The following SGMS1 variants were observed in gnomAD, a reference collection of about 807,000 sequenced individuals.
The protein encoded by SGMS1 is phosphatidylcholine:ceramide cholinephosphotransferase 1.
SGMS1 carries 13 observed loss-of-function variants against 46.2 expected under a neutral mutation model. That is an observed-to-expected ratio of 0.28 (90% CI 0.18 to 0.45). SGMS1 has a LOEUF of 0.45. Among genes scored for constraint, SGMS1 ranks in the 20% least tolerant of loss-of-function variants. The pLI, the probability that SGMS1 is intolerant of heterozygous loss-of-function variation, is 1.00. For missense variants in SGMS1, 324 were observed against 519.9 expected (o/e 0.62, Z 3.66); for synonymous variants, 203 against 187.8 (o/e 1.08, Z -0.66).
At chr10:50,392,077 G>T (rs764850087) in intron 6 of SGMS1, among the ~76,000 whole-genome samples, 1 of 151,746 alleles carries the variant, frequency 6.6e-6, no homozygotes. Context: ...ACTACCTGTC[G>T]AGTACTATAC....
intron 6 of SGMS1, among the ~76,000 whole-genome samples, chr10:50,359,672 T>C (rs1366690982): frequency 1.5e-5 from 2 of 135,868 alleles, no homozygotes; most frequent in Admixed American, 8.3e-5. Flanking sequence ...TAAACAATCA[T>C]TCATTATGGC....
intron 1 of SGMS1, among the ~76,000 whole-genome samples, chr10:50,621,923 G>T (rs1423309871): frequency 6.6e-6 from 1 of 152,156 alleles, no homozygotes; most frequent in African/African-American, 2.4e-5. Flanking sequence ...TCAAAAACAT[G>T]CTATATATTG....
chr10:50,314,580 G>T (rs1364835914), intron 8 of SGMS1, among the ~76,000 whole-genome samples: 4 of 152,114 alleles, frequency 2.6e-5, no homozygotes, highest in African/African-American at 9.7e-5. Context: ...CTACCTCAAA[G>T]AAATAATACC....
Position 50,344,295 on chromosome 10 carries a change from C to T in SGMS1, c.-181G>A, listed in dbSNP as rs541941917. ...ACACCTCATGTAGCTGTCCAGGGTT[C>T]CTGAGCGCCCAAGTATTAATTCACC... On this transcript the variant is annotated 5_prime_UTR_variant, in exon 7 of 11. Transcript: ENST00000361781. 25 of 628,820 alleles carry T rather than the reference C, an allele frequency of 4.0e-5. No homozygotes were observed. The African/African-American group carries it at 4.2e-4, about 10-fold the overall frequency. The allele number at this position is 628,820 out of a possible 1,614,324, so 39.0% of individuals were successfully genotyped here.
intron 3 of SGMS1, among the ~76,000 whole-genome samples, chr10:50,486,610 T>G (rs980540823): frequency 1.3e-5 from 2 of 152,106 alleles, no homozygotes; most frequent in African/African-American, 4.8e-5. Context: ...AACCACTAGA[T>G]GCCATCTCAC....
chr10:50,566,396 G>A (rs920307031), intron 2 of SGMS1, among the ~76,000 whole-genome samples: 10 of 152,074 alleles, frequency 6.6e-5, no homozygotes, highest in African/African-American at 9.7e-5. Context: ...ACACAGCAGA[G>A]GACACTAAAA....
intron 8 of SGMS1, among the ~76,000 whole-genome samples, chr10:50,326,866 T>C (rs1001771733): frequency 1.3e-5 from 2 of 152,152 alleles, no homozygotes; most frequent in Admixed American, 6.5e-5. Flanking sequence ...AAAATGTCAC[T>C]TGAAATCGAG....
intron 3 of SGMS1, among the ~76,000 whole-genome samples, chr10:50,495,315 A>C (rs1440495105): frequency 6.6e-6 from 1 of 151,658 alleles, no homozygotes; most frequent in Non-Finnish European, 1.5e-5. Context: ...AGGCTTAATT[A>C]ATGATTAAAC....
intron 2 of SGMS1, among the ~76,000 whole-genome samples, chr10:50,532,727 G>A (rs564264890): frequency 3.3e-5 from 5 of 152,302 alleles, no homozygotes; most frequent in African/African-American, 9.6e-5. Context: ...ACAATCCTCC[G>A]CAAAATTCAT....
At chr10:50,440,313 T>G (rs551626186) in intron 5 of SGMS1, among the ~76,000 whole-genome samples, 72 of 151,502 alleles carry the variant, frequency 4.8e-4, no homozygotes, top group Non-Finnish European at 9.3e-4. Flanking sequence ...AAGTGGCCTT[T>G]CACTCAACAT....
At chr10:50,503,840 A>G (rs1236586161) in intron 3 of SGMS1, among the ~76,000 whole-genome samples, 1 of 152,190 alleles carries the variant, frequency 6.6e-6, no homozygotes, top group African/African-American at 2.4e-5. Context: ...AGGGCCTGAG[A>G]GACTGGGCAA....
chr10:50,437,504 A>G lies in SGMS1; in HGVS notation c.-312-3948T>C, dbSNP rs367899427. On this transcript the variant is annotated intron_variant, in intron 5 of 10. Coordinates refer to ENST00000361781, the MANE Select transcript of SGMS1 (RefSeq NM_147156.4). The stretch of plus-strand genomic sequence containing the variant: ...CTAGCTTTAGTCTTTGTTCTTAACC[A>G]CTATACTACACTGTGTCCCTGGCAA... Among the ~76,000 whole-genome samples, 5 of 152,212 alleles carry G rather than the reference A, an allele frequency of 3.3e-5. No individual in the cohort carries two copies. In the East Asian group the frequency reaches 9.6e-4, roughly 29 times the overall value.
At chr10:50,365,249 T>C (rs1176311148) in intron 6 of SGMS1, among the ~76,000 whole-genome samples, 14 of 47,424 alleles carry the variant, frequency 3.0e-4, no homozygotes, top group Admixed American at 7.2e-4. Context: ...TGAGACTCCA[T>C]CTCACCAAAA....
intron 7 of SGMS1, among the ~76,000 whole-genome samples, chr10:50,329,406 T>C (rs1473700243): frequency 6.6e-6 from 1 of 152,204 alleles, no homozygotes; most frequent in Non-Finnish European, 1.5e-5. Flanking sequence ...TGTGAAACTG[T>C]CAATGTTAAC....
At chr10:50,502,026 G>T (rs1010310508) in intron 3 of SGMS1, among the ~76,000 whole-genome samples, 1 of 152,028 alleles carries the variant, frequency 6.6e-6, no homozygotes, top group Non-Finnish European at 1.5e-5. Context: ...TGTGGACAGA[G>T]ACTATGTTTC....
At chr10:50,483,514 C>G (rs1837494949) in intron 3 of SGMS1, among the ~76,000 whole-genome samples, 1 of 152,254 alleles carries the variant, frequency 6.6e-6, no homozygotes, top group South Asian at 2.1e-4. Context: ...ATATTCAGGA[C>G]TTGAACTCAG....
intron 8 of SGMS1, among the ~76,000 whole-genome samples, chr10:50,321,197 A>T (rs1847436489): frequency 6.6e-6 from 1 of 152,236 alleles, no homozygotes. Flanking sequence ...AAATTCATAC[A>T]TCAAATGTTA....
intron 6 of SGMS1, among the ~76,000 whole-genome samples, chr10:50,425,902 A>T (rs1208186613): frequency 4.6e-5 from 7 of 152,222 alleles, no homozygotes; most frequent in Non-Finnish European, 8.8e-5. Context: ...ATGAAAAGAA[A>T]AAGTATGCAT....
rs550390248 is a variant in SGMS1 at position 50,603,372 on chromosome 10, C to T, written c.-683-13125G>A. 5.3e-5 allele frequency among the ~76,000 whole-genome samples: 8 copies of T among 152,302 alleles called. No homozygotes were observed. In the South Asian group the frequency reaches 1.5e-3, roughly 28 times the overall value. On this transcript the variant is annotated intron_variant, in intron 1 of 10. Coordinates refer to ENST00000361781, the MANE Select transcript of SGMS1 (RefSeq NM_147156.4). ...AGCTAGCTTCCAAATCTCTCTCTGC[C>T]GAGAGTCAAACACCTTGGTTTTGTT...
Sources: allele counts gnomAD v4.1 joint callset (sites outside exome capture counted in the v4.1 genomes callset), GRCh38; gene constraint gnomAD v4.1.1; transcripts MANE v1.5; gene names NCBI Gene and HGNC (gene_info 2026-07-23, HGNC 2026-07-21).